Variants in SYBU observed in about 807,000 individuals in gnomAD.
The protein encoded by SYBU is syntabulin.
Under a neutral mutation model 35.9 loss-of-function variants are expected in SYBU, and 21 were observed. The ratio of observed to expected loss-of-function variants is 0.58; its 90% CI spans 0.41 to 0.84. SYBU has a LOEUF of 0.84. Among genes scored for constraint, SYBU ranks in the 40% least tolerant of loss-of-function variants. The pLI, the probability that SYBU is intolerant of heterozygous loss-of-function variation, is 0.00. For missense variants in SYBU, 768 were observed against 848.2 expected (o/e 0.91, Z 1.17); for synonymous variants, 319 against 324.3 (o/e 0.98, Z 0.18).
chr8:109,576,086 C>T (rs1046104053), intron 6 of SYBU, 73 bp from the exon 7 acceptor site: 44 of 1,407,236 alleles, frequency 3.1e-5, no homozygotes, highest in Non-Finnish European at 3.7e-5. Context: ...AACTGGGCAA[C>T]AGGCAGTTCA....
At chr8:109,676,387 C>T (rs140132323) in intron 1 of SYBU, among the ~76,000 whole-genome samples, 131 of 152,214 alleles carry the variant, frequency 8.6e-4, no homozygotes, top group African/African-American at 3.0e-3. Flanking sequence ...TTTAGAAAAC[C>T]CCATTGTCTC....
chr8:109,641,968 A>G (rs1054608807), intron 2 of SYBU, among the ~76,000 whole-genome samples: 2 of 152,330 alleles, frequency 1.3e-5, no homozygotes, highest in East Asian at 1.9e-4. Context: ...GTATCCAAAG[A>G]ATTATAAATC....
chr8:109,585,659 C>T (rs1345887880), intron 4 of SYBU: 2 of 163,518 alleles, frequency 1.2e-5, no homozygotes, highest in Non-Finnish European at 2.7e-5. Flanking sequence ...AATGGAAGTC[C>T]AGCTAGAAGA....
At chr8:109,650,151 A>G (rs1241067317) in intron 1 of SYBU, among the ~76,000 whole-genome samples, 1 of 152,178 alleles carries the variant, frequency 6.6e-6, no homozygotes, top group East Asian at 1.9e-4. Flanking sequence ...GCAGATACAC[A>G]GGCTGGAGGC....
At chr8:109,655,252 T>C (rs1816308120) in intron 1 of SYBU, among the ~76,000 whole-genome samples, 1 of 152,212 alleles carries the variant, frequency 6.6e-6, no homozygotes, top group Non-Finnish European at 1.5e-5. Context: ...ATTCACTGGA[T>C]AATTTGATTT....
chr8:109,588,505 C>T (rs1180430187), intron 3 of SYBU, among the ~76,000 whole-genome samples: 2 of 152,012 alleles, frequency 1.3e-5, no homozygotes, highest in African/African-American at 2.4e-5. Context: ...TTGAATAGTA[C>T]GATAGTGAAA....
intron 1 of SYBU, among the ~76,000 whole-genome samples, chr8:109,660,838 G>C (rs904932419): frequency 1.1e-4 from 16 of 152,080 alleles, no homozygotes; most frequent in Admixed American, 6.6e-5. Context: ...TCATTCCACA[G>C]TGAGTGGAGC....
chr8:109,670,138 C>T (rs1231995033), intron 1 of SYBU, among the ~76,000 whole-genome samples: 3 of 151,882 alleles, frequency 2.0e-5, no homozygotes, highest in African/African-American at 7.3e-5. Context: ...TAGAAATTAG[C>T]TTCTGTTTTA....
At chr8:109,576,040 ATT>A (rs1822253874) in intron 6 of SYBU, 27 bp from the exon 7 acceptor site, 3 of 995,382 alleles carry the variant, frequency 3.0e-6, no homozygotes, top group Admixed American at 4.3e-5. Flanking sequence ...AGCATGGTTA[ATT>A]AAAAAAAAAA....
At chr8:109,672,160 C>G (rs369323292) in intron 1 of SYBU, among the ~76,000 whole-genome samples, 2 of 152,078 alleles carry the variant, frequency 1.3e-5, no homozygotes, top group African/African-American at 4.8e-5. Flanking sequence ...TTTGGCCTCC[C>G]GAAGTGCTGG....
chr8:109,647,467 A>G (rs1265108931), upstream of SYBU: 2 of 152,146 alleles, frequency 1.3e-5, no homozygotes, highest in African/African-American at 2.4e-5. Context: ...ATTCCAGGAC[A>G]CTTATTTTTA....
At chr8:109,653,807 A>C (rs934058357) in intron 1 of SYBU, among the ~76,000 whole-genome samples, 2 of 151,964 alleles carry the variant, frequency 1.3e-5, no homozygotes, top group African/African-American at 4.8e-5. Flanking sequence ...CAAACCTATA[A>C]ATTCACCTGC....
upstream of SYBU, chr8:109,645,638 T>TG (rs977426936): frequency 1.4e-5 from 4 of 285,062 alleles, no homozygotes; most frequent in African/African-American, 9.1e-5. Flanking sequence ...TTTTTGTTTT[T>TG]TTTTTTTTCC....
chr8:109,681,324 T>A (rs1587000220), upstream of SYBU, among the ~76,000 whole-genome samples: 1 of 152,160 alleles, frequency 6.6e-6, no homozygotes, highest in South Asian at 2.1e-4. Flanking sequence ...AAGCTTAGTA[T>A]AATGGGATGA....
intron 3 of SYBU, among the ~76,000 whole-genome samples, chr8:109,612,313 C>A (rs1383904133): frequency 6.6e-6 from 1 of 152,110 alleles, no homozygotes; most frequent in African/African-American, 2.4e-5. Context: ...TATTCAAGCC[C>A]ACAGTTACAT....
intron 6 of SYBU, among the ~76,000 whole-genome samples, chr8:109,577,082 T>C (rs1051128292): frequency 6.6e-6 from 1 of 152,138 alleles, no homozygotes; most frequent in Non-Finnish European, 1.5e-5. Flanking sequence ...TTTCCCTTCC[T>C]CGCAGTCTGC....
chr8:109,654,618 A>G (rs955602618), intron 1 of SYBU, among the ~76,000 whole-genome samples: 11 of 152,164 alleles, frequency 7.2e-5, no homozygotes, highest in Admixed American at 7.2e-4. Flanking sequence ...TAGAAATTAT[A>G]TAACTGCTTA....
chr8:109,688,623 T>C (rs1376061311), intron 1 of SYBU, among the ~76,000 whole-genome samples: 1 of 152,178 alleles, frequency 6.6e-6, no homozygotes, highest in Non-Finnish European at 1.5e-5. Flanking sequence ...GGTATCTTTA[T>C]GAACATCAGT....
chr8:109,603,957 C>G (rs58874286), intron 3 of SYBU, among the ~76,000 whole-genome samples: 12,696 of 151,996 alleles, frequency 0.084, 1,472 homozygotes, highest in African/African-American at 0.26. Flanking sequence ...ACCCAGCTCA[C>G]GCATATGTCA....
Sources: allele counts gnomAD v4.1 joint callset (sites outside exome capture counted in the v4.1 genomes callset), GRCh38; gene constraint gnomAD v4.1.1; transcripts MANE v1.5; gene names NCBI Gene and HGNC (gene_info 2026-07-23, HGNC 2026-07-21).